Variants in GRIK2 observed in about 807,000 individuals in gnomAD.
GRIK2 encodes glutamate receptor ionotropic, kainate 2.
GRIK2 carries 32 observed loss-of-function variants against 100.3 expected under a neutral mutation model. The ratio of observed to expected loss-of-function variants is 0.32; its 90% CI spans 0.24 to 0.43. The LOEUF (loss-of-function observed/expected upper bound fraction) is 0.43, where lower values mean the gene tolerates loss of function less well. Ranked by LOEUF, GRIK2 falls within the 20% of genes least tolerant of loss-of-function variation. The pLI is 1.00. For missense variants in GRIK2, 843 were observed against 1,114.9 expected (o/e 0.76, Z 3.47); for synonymous variants, 417 against 389.4 (o/e 1.07, Z -0.83).
rs10528480 is a variant in GRIK2, at chr6:101,556,321, ATTTTTTTTTT to A, written c.116-65606_116-65597del. 5.1e-4 allele frequency among the ~76,000 whole-genome samples: 30 copies of A among 59,394 alleles called. 1 individual carries two copies. The highest frequency in any genetic ancestry group is 7.8e-4 in the African/African-American group (14 of 17,892). 39.0% of individuals were successfully genotyped at this position (59,394 alleles called of 152,430 possible). On this transcript the variant is annotated intron_variant, in intron 2 of 16. Transcript: ENST00000369134. ...AATTGCACTATGTAATATATTGGTA[ATTTTTTTTTT>A]TTTTTTTTTTTTTTTTTTTTTGAGA...
intron 14 of GRIK2, among the ~76,000 whole-genome samples, chr6:102,011,577 C>CTTTTTTTTTTTTTT (rs763369559): frequency 5.2e-5 from 4 of 76,650 alleles, no homozygotes; most frequent in African/African-American, 1.8e-4. Context: ...CTTTCTTTTC[C>CTTTTTTTTTTTTTT]TTTTTTTTTT....
intron 4 of GRIK2, among the ~76,000 whole-genome samples, chr6:101,629,009 T>C (rs1362433765): frequency 2.0e-5 from 3 of 152,104 alleles, no homozygotes; most frequent in African/African-American, 7.2e-5. Context: ...GGTCCTACAA[T>C]AATTTGGTAA....
At chr6:101,514,881 A>G (rs1461231716) in intron 2 of GRIK2, among the ~76,000 whole-genome samples, 1 of 152,098 alleles carries the variant, frequency 6.6e-6, no homozygotes, top group African/African-American at 2.4e-5. Flanking sequence ...AGAGGGTAGA[A>G]CAGAGGATGT....
chr6:101,446,982 G>GC (rs1770414931), intron 2 of GRIK2, among the ~76,000 whole-genome samples: 2 of 14,300 alleles, frequency 1.4e-4, no homozygotes, highest in African/African-American at 2.9e-4. Flanking sequence ...TATATTATAT[G>GC]TTTATATATA....
intron 14 of GRIK2, among the ~76,000 whole-genome samples, chr6:102,014,697 A>AAG (rs1339327089): frequency 6.6e-6 from 1 of 152,068 alleles, no homozygotes; most frequent in Admixed American, 6.5e-5. Context: ...ATTTACTGCA[A>AAG]AGTCATTCAG....
intron 2 of GRIK2, among the ~76,000 whole-genome samples, chr6:101,596,502 G>C (rs1170759102): frequency 6.6e-6 from 1 of 151,614 alleles, no homozygotes; most frequent in Non-Finnish European, 1.5e-5. Flanking sequence ...TAGATGATAG[G>C]AAGAATCAAG....
At chr6:101,572,815 A>ATTTAT (rs1554221725) in intron 2 of GRIK2, among the ~76,000 whole-genome samples, 1 of 109,832 alleles carries the variant, frequency 9.1e-6, no homozygotes, top group African/African-American at 4.3e-5. Context: ...ATTGTTGTTT[A>ATTTAT]TTATTTATTT....
intron 14 of GRIK2, among the ~76,000 whole-genome samples, chr6:101,984,913 A>G (rs1348749327): frequency 1.3e-5 from 2 of 151,720 alleles, no homozygotes; most frequent in Non-Finnish European, 3.0e-5. Flanking sequence ...GCCAATATAT[A>G]CAGTGAATGT....
At chr6:101,855,972 T>C (rs1451877601) in intron 10 of GRIK2, among the ~76,000 whole-genome samples, 1 of 152,148 alleles carries the variant, frequency 6.6e-6, no homozygotes, top group African/African-American at 2.4e-5. Flanking sequence ...TTTGCAGGAT[T>C]TACAAAGGAT....
At chr6:101,578,722 C>A (rs1409582773) in intron 2 of GRIK2, among the ~76,000 whole-genome samples, 3 of 152,116 alleles carry the variant, frequency 2.0e-5, no homozygotes, top group Admixed American at 6.6e-5. Context: ...TCATGGGGTG[C>A]TTTTCTAAAC....
Position 101,686,323 on chromosome 6 carries a change from C to G in GRIK2, c.921C>G (p.Pro307=). ...SMERLQAPPK[P]DSGLLDGFMT... ...AACGATTGCAGGCACCTCCGAAACC[C>G]GATTCAGGTTTGCTGGATGGATTTA... is the stretch of plus-strand genomic sequence containing the variant. Residue 307 remains proline, a synonymous_variant, in exon 7 of 17, where the codon CCC becomes CCG. Coordinates refer to ENST00000369134, the MANE Select transcript of GRIK2 (RefSeq NM_021956.5). 1 of 1,613,260 alleles carries G rather than the reference C, an allele frequency of 6.2e-7. No individual in the cohort carries two copies. Among genetic ancestry groups the G allele is most frequent in the Non-Finnish European group, 8.5e-7 (1 of 1,179,414 alleles).
intron 2 of GRIK2, among the ~76,000 whole-genome samples, chr6:101,583,524 A>G (rs1297625060): frequency 6.6e-6 from 1 of 152,134 alleles, no homozygotes; most frequent in East Asian, 1.9e-4. Context: ...AGAGCCTTGT[A>G]CAATTTGCCC....
chr6:101,556,576 C>T (rs2128294114), intron 2 of GRIK2, among the ~76,000 whole-genome samples: 1 of 151,808 alleles, frequency 6.6e-6, no homozygotes, highest in South Asian at 2.1e-4. Context: ...AATTATTGAA[C>T]TATAAGAAGT....
intron 4 of GRIK2, among the ~76,000 whole-genome samples, chr6:101,672,056 C>T (rs1770479433): frequency 6.6e-6 from 1 of 151,998 alleles, no homozygotes; most frequent in African/African-American, 2.4e-5. Context: ...CTGATACTTT[C>T]CTACAAGGGT....
At chr6:101,945,423 A>T (rs760746715) in intron 14 of GRIK2, among the ~76,000 whole-genome samples, 1 of 152,142 alleles carries the variant, frequency 6.6e-6, no homozygotes, top group South Asian at 2.1e-4. Flanking sequence ...CCATTCTAAC[A>T]GAGGGCAATG....
At chr6:101,499,994 G>T (rs746561874) in intron 2 of GRIK2, among the ~76,000 whole-genome samples, 23 of 152,066 alleles carry the variant, frequency 1.5e-4, no homozygotes, top group Non-Finnish European at 2.2e-4. Flanking sequence ...TATGTTATAG[G>T]TAGTATAACA....
chr6:102,006,744 G>T (rs1324253412), intron 14 of GRIK2, among the ~76,000 whole-genome samples: 1 of 151,500 alleles, frequency 6.6e-6, no homozygotes, highest in South Asian at 2.1e-4. Context: ...TTTTTTCATG[G>T]CATGTTTATG....
chr6:101,440,615 C>T (rs1769991288), intron 2 of GRIK2, among the ~76,000 whole-genome samples: 1 of 152,152 alleles, frequency 6.6e-6, no homozygotes, highest in African/African-American at 2.4e-5. Context: ...GTGATAGAAC[C>T]TGCACCCATG....
chr6:101,706,876 G>T (rs1354911473), intron 7 of GRIK2, among the ~76,000 whole-genome samples: 1 of 151,934 alleles, frequency 6.6e-6, no homozygotes, highest in Non-Finnish European at 1.5e-5. Flanking sequence ...GCTAGAGGCT[G>T]TCCTTCAGTT....
Sources: allele counts gnomAD v4.1 joint callset (sites outside exome capture counted in the v4.1 genomes callset), GRCh38; gene constraint gnomAD v4.1.1; transcripts MANE v1.5; gene names NCBI Gene and HGNC (gene_info 2026-07-23, HGNC 2026-07-21).